PLAGL1: variants seen among roughly 807,000 people sequenced by gnomAD.
PLAGL1 encodes the protein PLAG1 like zinc finger 1, also known as zinc finger protein PLAGL1.
Under a neutral mutation model 4.6 loss-of-function variants are expected in PLAGL1, and 1 was observed. That is an observed-to-expected ratio of 0.22 (90% CI 0.08 to 1.03). PLAGL1 has a LOEUF of 1.03. Ranked by LOEUF, PLAGL1 falls within the 50% of genes least tolerant of loss-of-function variation. The pLI is 0.58. For missense variants in PLAGL1, 464 were observed against 570.4 expected (o/e 0.81, Z 1.90); for synonymous variants, 240 against 237.8 (o/e 1.01, Z -0.08).
rs774581807 is a variant in PLAGL1 at position 143,995,177 on chromosome 6, A to C, written c.-583-10003T>G. Among the ~76,000 whole-genome samples the C allele has an allele frequency of 7.2e-5, 11 of 152,348 alleles. No homozygotes were observed. Among genetic ancestry groups the C allele is most frequent in the East Asian group, 3.9e-4 (2 of 5,192 alleles). ...CAGGTTGTTGGAACAATTAAATAAA[A>C]TGATTCACAACAAGTGGTCAACACA... On this transcript the variant is annotated intron_variant, in intron 1 of 7. Transcript: ENST00000674357. The surrounding 1 kb of genome is among the most constrained non-coding windows in gnomAD (Gnocchi z 4.4).
At chr6:144,038,241 T>C (rs2128714282) in intron 1 of PLAGL1, among the ~76,000 whole-genome samples, 1 of 152,338 alleles carries the variant, frequency 6.6e-6, no homozygotes, top group East Asian at 1.9e-4. Context: ...CTACTTATTG[T>C]TTGTTTGTTT....
chr6:144,005,533 T>C lies in PLAGL1; in HGVS notation c.-584+2557A>G, dbSNP rs1793987241. On this transcript the variant is annotated intron_variant, in intron 1 of 7. Coordinates refer to ENST00000674357, the MANE Select transcript of PLAGL1 (RefSeq NM_001317162.2). The surrounding 1 kb of genome is among the most constrained non-coding windows in gnomAD (Gnocchi z 4.6). The stretch of plus-strand genomic sequence containing the variant: ...AACATAAAATATATACATCTCAATA[T>C]ATACATGTCTCAGGTAAATTAAAGA... 1 of 152,154 alleles carries C rather than the reference T, an allele frequency of 6.6e-6. No individual in the cohort carries two copies. The allele number at this position is 152,154 out of a possible 1,614,324, so 9.4% of individuals were successfully genotyped here. A position where few individuals can be genotyped will look rare whatever the true frequency, so the allele number is the denominator to read the frequency against.
Position 143,950,345 on chromosome 6 carries a change from C to T in PLAGL1, c.-324-1885G>A, listed in dbSNP as rs1424410885. 6.6e-6 allele frequency among the ~76,000 whole-genome samples: 1 copy of T among 152,190 alleles called. No homozygotes were observed. The highest frequency in any genetic ancestry group is 1.9e-4 in the East Asian group (1 of 5,190). On this transcript the variant is annotated intron_variant, in intron 6 of 7. Coordinates refer to ENST00000674357, the MANE Select transcript of PLAGL1 (RefSeq NM_001317162.2). The surrounding 1 kb of genome is among the most constrained non-coding windows in gnomAD (Gnocchi z 6.3). ...TTCCCTTCCAGTATTCTAGTTCATG[C>T]CTGAGGCCCTATCTTGAGGAATCCT...
chr6:143,996,326 A>T (rs1315576426), intron 1 of PLAGL1, among the ~76,000 whole-genome samples: 1 of 152,212 alleles, frequency 6.6e-6, no homozygotes, highest in Admixed American at 6.5e-5. Flanking sequence ...CTTCAATGAG[A>T]AGTAGATGAA....
chr6:144,027,230 C>CGAAAGAAAGAAAAAGAAAGAAAGAAA lies in PLAGL1; in HGVS notation c.-151+37237_-151+37238insTTTCTTTCTTTCTTTTTCTTTCTTTC, dbSNP rs761735778. Among the ~76,000 whole-genome samples the CGAAAGAAAGAAAAAGAAAGAAAGAAA allele has an allele frequency of 8.1e-4, 80 of 99,168 alleles. 4 individuals carry two copies. Among genetic ancestry groups the CGAAAGAAAGAAAAAGAAAGAAAGAAA allele is most frequent in the African/African-American group, 3.1e-3 (76 of 24,170 alleles). 65.1% of individuals were successfully genotyped at this position (99,168 alleles called of 152,430 possible). On this transcript the variant is annotated intron_variant, in intron 1 of 3. Transcript: ENST00000437412. This position sits in a 1 kb window ranked among gnomAD's most constrained non-coding sequence, Gnocchi z 5.8. The stretch of plus-strand genomic sequence containing the variant: ...CAGAGAAAGACCCCAACTCAAAGAA[C>CGAAAGAAAGAAAAAGAAAGAAAGAAA]GAACGAAAGAAAGAAAGAAAGAAAG...
chr6:144,037,852 G>C lies in PLAGL1; in HGVS notation c.-151+26616C>G, dbSNP rs1253816183. 24 of 152,182 alleles carry C rather than the reference G, an allele frequency of 1.6e-4. 1 individual carries two copies. The highest frequency in any genetic ancestry group is 1.5e-3 in the Admixed American group (23 of 15,274). The allele number at this position is 152,182 out of a possible 1,614,324, so 9.4% of individuals were successfully genotyped here. A position where few individuals can be genotyped will look rare whatever the true frequency, so the allele number is the denominator to read the frequency against. On this transcript the variant is annotated intron_variant, in intron 1 of 3. Transcript: ENST00000437412. Reference sequence around the variant, plus strand: ...ACACAGTAAGGTTCTGCAATGAAAAGCACGTACTCTTGAGACTTAGTACTG... The same window carrying C: ...ACACAGTAAGGTTCTGCAATGAAAACCACGTACTCTTGAGACTTAGTACTG...
chr6:143,947,222 G>C lies in PLAGL1; in HGVS notation c.152+763C>G, dbSNP rs1033869411. Among the ~76,000 whole-genome samples, 3 of 152,188 alleles carry C rather than the reference G, an allele frequency of 2.0e-5. No individual in the cohort carries two copies. Among genetic ancestry groups the C allele is most frequent in the Non-Finnish European group, 4.4e-5 (3 of 68,036 alleles). On this transcript the variant is annotated intron_variant, in intron 7 of 7. Coordinates refer to ENST00000674357, the MANE Select transcript of PLAGL1 (RefSeq NM_001317162.2). The surrounding 1 kb of genome is among the most constrained non-coding windows in gnomAD (Gnocchi z 4.3). ...CTTACTAGGGTGGCTTTCCACCCAA[G>C]TTGAGAAACTGTGTTCCAAACATTT...
At position 144,015,010 on chromosome 6, in the gene PLAGL1, G is replaced by A. The variant is rs142108445; in HGVS notation, c.-150-46032C>T. On this transcript the variant is annotated intron_variant, in intron 1 of 3. Transcript: ENST00000437412. This position sits in a 1 kb window ranked among gnomAD's most constrained non-coding sequence, Gnocchi z 4.3. ...GCATTTCACGCCATTCACAAAAAAC[G>A]AATCAAGTGAAATCTCAGACCTAAA... Among the ~76,000 whole-genome samples, 3 of 152,252 alleles carry A rather than the reference G, an allele frequency of 2.0e-5. No individual in the cohort carries two copies. Among genetic ancestry groups the A allele is most frequent in the Non-Finnish European group, 4.4e-5 (3 of 68,018 alleles).
chr6:144,011,653 T>TGTGA (rs1795197494), upstream of PLAGL1, among the ~76,000 whole-genome samples: 1 of 152,218 alleles, frequency 6.6e-6, no homozygotes, highest in Non-Finnish European at 1.5e-5. The surrounding 1 kb of genome is among the most constrained non-coding windows in gnomAD (Gnocchi z 4.3). Context: ...ATGTTGTTTC[T>TGTGA]ATCTACTTGT....
At position 143,985,992 on chromosome 6, in the gene PLAGL1, A is replaced by ATCAAAT. The variant is rs1427985257; in HGVS notation, c.-583-819_-583-818insATTTGA. ...TATATATATATAAAATTATATATAT[A>ATCAAAT]TATATATATATATATATATCATTTA... On this transcript the variant is annotated intron_variant, in intron 1 of 7. Coordinates refer to ENST00000674357, the MANE Select transcript of PLAGL1 (RefSeq NM_001317162.2). The surrounding 1 kb of genome is among the most constrained non-coding windows in gnomAD (Gnocchi z 4.4). Among the ~76,000 whole-genome samples, 2 of 65,554 alleles carry ATCAAAT rather than the reference A, an allele frequency of 3.1e-5. No homozygotes were observed. The highest frequency in any genetic ancestry group is 1.5e-4 in the Admixed American group (1 of 6,550). The allele number at this position is 65,554 out of a possible 152,430, so 43.0% of individuals were successfully genotyped here.
Position 143,947,864 on chromosome 6 carries a change from C to T in PLAGL1, c.152+121G>A. On this transcript the variant is annotated intron_variant, in intron 7 of 7. Coordinates refer to ENST00000674357, the MANE Select transcript of PLAGL1 (RefSeq NM_001317162.2). This position sits in a 1 kb window ranked among gnomAD's most constrained non-coding sequence, Gnocchi z 4.3. ...CACTGGATGCAGATTTCAAGAATCC[C>T]TCAAAGGCTAAAATGCATCCATATC... 4 of 752,348 alleles carry T rather than the reference C, an allele frequency of 5.3e-6. No homozygotes were observed. Among genetic ancestry groups the T allele is most frequent in the Non-Finnish European group, 8.6e-6 (4 of 462,534 alleles). 46.6% of individuals were successfully genotyped at this position (752,348 alleles called of 1,614,324 possible). A position where few individuals can be genotyped will look rare whatever the true frequency, so the allele number is the denominator to read the frequency against.
At chr6:144,044,005 C>T (rs891754621) in intron 1 of PLAGL1, among the ~76,000 whole-genome samples, 22 of 152,038 alleles carry the variant, frequency 1.4e-4, no homozygotes, top group African/African-American at 3.6e-4. Context: ...TTTGTATTTC[C>T]GTGGGATCAT....
chr6:144,060,364 G>A (rs970613505), intron 1 of PLAGL1, among the ~76,000 whole-genome samples: 6 of 152,088 alleles, frequency 3.9e-5, no homozygotes, highest in African/African-American at 1.4e-4. Context: ...ACAGCATTTA[G>A]CATTTATATT....
At chr6:143,999,650 T>C (rs1792408116) in intron 1 of PLAGL1, among the ~76,000 whole-genome samples, 1 of 152,194 alleles carries the variant, frequency 6.6e-6, no homozygotes. Flanking sequence ...TAGGAATCCA[T>C]CATTCTTTGC....
intron 1 of PLAGL1, among the ~76,000 whole-genome samples, chr6:144,023,475 GA>G (rs1423139742): frequency 6.6e-6 from 1 of 151,882 alleles, no homozygotes; most frequent in Non-Finnish European, 1.5e-5. Context: ...GGGGGCTGGG[GA>G]AAAAAAGGTG....
rs558757055 is a variant in PLAGL1, at chr6:143,964,220, A to G, written c.-399+567T>C. On this transcript the variant is annotated intron_variant, in intron 5 of 7. Coordinates refer to ENST00000674357, the MANE Select transcript of PLAGL1 (RefSeq NM_001317162.2). The surrounding 1 kb of genome is among the most constrained non-coding windows in gnomAD (Gnocchi z 4.3). Reference sequence around the variant, plus strand: ...CGTGAAGAGTGTGCCTCGGGAGGCCAGACCTGAGGCAGGAGGTTTCCAGCC... The same window carrying G: ...CGTGAAGAGTGTGCCTCGGGAGGCCGGACCTGAGGCAGGAGGTTTCCAGCC... Among the ~76,000 whole-genome samples the G allele has an allele frequency of 3.9e-5, 6 of 152,066 alleles. No individual in the cohort carries two copies. The East Asian group carries it at 1.2e-3, about 30-fold the overall frequency.
Position 144,006,779 on chromosome 6 carries a change from A to G in PLAGL1, c.-584+1311T>C, listed in dbSNP as rs964064072. 6.6e-6 allele frequency: 1 copy of G among 152,152 alleles called. No individual in the cohort carries two copies. Among genetic ancestry groups the G allele is most frequent in the Non-Finnish European group, 1.5e-5 (1 of 68,024 alleles). 9.4% of individuals were successfully genotyped at this position (152,152 alleles called of 1,614,324 possible). Reference sequence around the variant, plus strand: ...TGCTTGTGGACATGTATTAAAATTTATCTAGGGCAGTGGCTTTCAAACTTT... The same window carrying G: ...TGCTTGTGGACATGTATTAAAATTTGTCTAGGGCAGTGGCTTTCAAACTTT... On this transcript the variant is annotated intron_variant, in intron 1 of 7. Coordinates refer to ENST00000674357, the MANE Select transcript of PLAGL1 (RefSeq NM_001317162.2). The surrounding 1 kb of genome is among the most constrained non-coding windows in gnomAD (Gnocchi z 4.3).
Position 144,005,516 on chromosome 6 carries a change from A to C in PLAGL1, c.-584+2574T>G, listed in dbSNP as rs1392696229. 6.6e-6 allele frequency: 1 copy of C among 152,176 alleles called. No homozygotes were observed. The highest frequency in any genetic ancestry group is 2.4e-5 in the African/African-American group (1 of 41,460). The allele number at this position is 152,176 out of a possible 1,614,324, so 9.4% of individuals were successfully genotyped here. ...ATTAAGCTTGATCTCATAACATAAA[A>C]TATATACATCTCAATATATACATGT... On this transcript the variant is annotated intron_variant, in intron 1 of 7. Transcript: ENST00000674357. The surrounding 1 kb of genome is among the most constrained non-coding windows in gnomAD (Gnocchi z 4.6).
intron 1 of PLAGL1, among the ~76,000 whole-genome samples, chr6:144,041,453 A>G (rs1797723393): frequency 6.6e-6 from 1 of 151,810 alleles, no homozygotes; most frequent in African/African-American, 2.4e-5. Context: ...TGTCCCTGTG[A>G]CAATTTGCTC....
Sources: gnomAD v4.1 joint callset for allele counts (sites outside exome capture counted in the v4.1 genomes callset) on GRCh38, gnomAD v4.1.1 for gene constraint, Gnocchi (gnomAD v3.1) non-coding constraint, MANE v1.5 for transcripts, NCBI Gene and HGNC (gene_info 2026-07-23, HGNC 2026-07-21) for gene names.